Variants in SCML4 observed in about 807,000 individuals in gnomAD.
The protein encoded by SCML4 is Scm polycomb group protein like 4.
SCML4 carries 34 observed loss-of-function variants against 41.1 expected under a neutral mutation model. The observed-to-expected ratio is 0.83, with a 90% CI of 0.63 to 1.10. The LOEUF (loss-of-function observed/expected upper bound fraction) is 1.10, where lower values mean the gene tolerates loss of function less well. Ranked by LOEUF, SCML4 falls within the 50% of genes least tolerant of loss-of-function variation. The probability of loss-of-function intolerance (pLI) is 0.00; values close to 1 mark genes in which losing one functional copy is unlikely to be tolerated. For synonymous variants in SCML4, 214 were observed against 220.9 expected (o/e 0.97, Z 0.28); for missense variants, 522 against 534.1 (o/e 0.98, Z 0.22).
intron 6 of SCML4, among the ~76,000 whole-genome samples, chr6:107,709,188 A>G (rs1430968445): frequency 6.6e-6 from 1 of 151,994 alleles, no homozygotes; most frequent in African/African-American, 2.4e-5. Context: ...CTCCCTTACC[A>G]ACACACTGAG....
intron 5 of SCML4, among the ~76,000 whole-genome samples, chr6:107,735,745 G>A (rs1158302358): frequency 6.6e-6 from 1 of 150,512 alleles, no homozygotes; most frequent in Non-Finnish European, 1.5e-5. Context: ...GTTGCTGTGA[G>A]CCGAGATCAC....
At chr6:107,817,477 T>C (rs1973715) in intron 1 of SCML4, among the ~76,000 whole-genome samples, 103,159 of 151,688 alleles carry the variant, frequency 0.68, 35,185 homozygotes, top group East Asian at 0.81. Context: ...ATTATCTAGG[T>C]GTGGTGGCAG....
chr6:107,755,124 G>A (rs1778997513), intron 2 of SCML4, among the ~76,000 whole-genome samples: 2 of 151,846 alleles, frequency 1.3e-5, no homozygotes, highest in South Asian at 4.2e-4. Context: ...AAAATTACTA[G>A]AGAGGAATCT....
intron 6 of SCML4, among the ~76,000 whole-genome samples, chr6:107,713,148 C>T (rs1774389376): frequency 6.6e-6 from 1 of 152,264 alleles, no homozygotes; most frequent in Non-Finnish European, 1.5e-5. Flanking sequence ...TACTTGCACA[C>T]TCTCTGTGAA....
upstream of SCML4, among the ~76,000 whole-genome samples, chr6:107,827,165 A>G (rs1389261037): frequency 6.8e-6 from 1 of 147,972 alleles, no homozygotes; most frequent in Non-Finnish European, 1.5e-5. Context: ...TAAATTATTC[A>G]TTAAATTATG....
chr6:107,751,258 G>A (rs1450918732), intron 2 of SCML4, among the ~76,000 whole-genome samples: 2 of 152,196 alleles, frequency 1.3e-5, no homozygotes, highest in East Asian at 3.8e-4. Context: ...TTGTACTTTA[G>A]GCTGACATTT....
chr6:107,726,430 G>C (rs1775979004), intron 5 of SCML4, among the ~76,000 whole-genome samples: 1 of 151,122 alleles, frequency 6.6e-6, no homozygotes, highest in Admixed American at 6.6e-5. Context: ...CTACTCGGGA[G>C]GCTGAGGCAG....
rs541469542 is a variant in SCML4, at chr6:107,710,964, T to G, written c.974-2953A>C. On this transcript the variant is annotated intron_variant, in intron 6 of 7. Transcript: ENST00000369020. Reference sequence around the variant, plus strand: ...AGTTACTACAGAGCAAAGTCCCATCTGCTTGAAATGGATCCCAAACCTCCC... The same window carrying G: ...AGTTACTACAGAGCAAAGTCCCATCGGCTTGAAATGGATCCCAAACCTCCC... 1.5e-4 allele frequency among the ~76,000 whole-genome samples: 10 copies of G among 67,526 alleles called. 3 individuals are homozygous for G. The highest frequency in any genetic ancestry group is 4.8e-4 in the African/African-American group (8 of 16,816). The allele number at this position is 67,526 out of a possible 152,430, so 44.3% of individuals were successfully genotyped here. A position where few individuals can be genotyped will look rare whatever the true frequency, so the allele number is the denominator to read the frequency against.
rs1773313246 is a variant in SCML4 at position 107,703,137 on chromosome 6, C to G, written c.*2063G>C. ...ATAATCCACCCCTTGTTTAGCATAT[C>G]AAGAAATAAACATAAAAATGGGCAA... is the stretch of plus-strand genomic sequence containing the variant. On this transcript the variant is annotated 3_prime_UTR_variant, in exon 8 of 8. Coordinates refer to ENST00000369020, the MANE Select transcript of SCML4 (RefSeq NM_198081.5). Among the ~76,000 whole-genome samples, 1 of 152,194 alleles carries G rather than the reference C, an allele frequency of 6.6e-6. No homozygotes were observed. The highest frequency in any genetic ancestry group is 1.5e-5 in the Non-Finnish European group (1 of 68,040).
intron 1 of SCML4, among the ~76,000 whole-genome samples, chr6:107,788,914 C>G (rs906697348): frequency 6.6e-6 from 1 of 152,208 alleles, no homozygotes; most frequent in Non-Finnish European, 1.5e-5. Context: ...TAGGAAAACT[C>G]TCCCCCAGTG....
At chr6:107,745,477 C>T (rs1777987771) in intron 4 of SCML4, 1 of 193,156 alleles carries the variant, frequency 5.2e-6, no homozygotes, top group Non-Finnish European at 1.1e-5. Flanking sequence ...CATGATTAGA[C>T]TAGGGTTATG....
intron 3 of SCML4, 38 bp from the exon 4 acceptor site, chr6:107,746,927 C>T: frequency 3.2e-6 from 5 of 1,560,514 alleles, no homozygotes; most frequent in Non-Finnish European, 4.4e-6. Context: ...CGGCATCAGG[C>T]GCGCATCAGG....
rs1014186720 is a variant in SCML4, at chr6:107,703,900, A to T, written c.*1300T>A. ...CATTTTGAAGATATGTTTTCTGCTCAGTGTGAAAGAAGAAGAAGAGAGGTG... is the reference window on the plus strand; with the variant it reads ...CATTTTGAAGATATGTTTTCTGCTCTGTGTGAAAGAAGAAGAAGAGAGGTG... On this transcript the variant is annotated 3_prime_UTR_variant, in exon 8 of 8. Coordinates refer to ENST00000369020, the MANE Select transcript of SCML4 (RefSeq NM_198081.5). Among the ~76,000 whole-genome samples, 4 of 152,256 alleles carry T rather than the reference A, an allele frequency of 2.6e-5. No homozygotes were observed. Among genetic ancestry groups the T allele is most frequent in the African/African-American group, 9.6e-5 (4 of 41,464 alleles).
chr6:107,778,984 T>C (rs1328255612), intron 1 of SCML4, among the ~76,000 whole-genome samples: 2 of 151,902 alleles, frequency 1.3e-5, no homozygotes, highest in Non-Finnish European at 2.9e-5. Flanking sequence ...ATCAAGACCA[T>C]CCTGGCTAAC....
In SCML4 at chr6:107,720,685, A is replaced by G. The variant is rs200093743; in HGVS notation, c.973+18T>C. 1.8e-5 allele frequency: 27 copies of G among 1,517,654 alleles called. No individual in the cohort carries two copies. Among genetic ancestry groups the G allele is most frequent in the Non-Finnish European group, 2.3e-5 (26 of 1,132,838 alleles). The allele number at this position is 1,517,654 out of a possible 1,614,324, so 94.0% of individuals were successfully genotyped here. On this transcript the variant is annotated intron_variant, in intron 6 of 7. Coordinates refer to ENST00000369020, the MANE Select transcript of SCML4 (RefSeq NM_198081.5). ...GGGATGTTAAGTCAGTGGGAAGCTG[A>G]TGCATGCATTACATTACCACATCTG... is the stretch of plus-strand genomic sequence containing the variant.
the SCML4 span, among the ~76,000 whole-genome samples, chr6:107,832,573 C>T: frequency 6.6e-6 from 1 of 152,234 alleles, no homozygotes; most frequent in Admixed American, 6.5e-5. Flanking sequence ...CCCGGATATG[C>T]TGACTGGCTT....
intron 1 of SCML4, among the ~76,000 whole-genome samples, chr6:107,817,974 T>C (rs1256102586): frequency 6.6e-6 from 1 of 152,220 alleles, no homozygotes; most frequent in Non-Finnish European, 1.5e-5. Flanking sequence ...CTGTTTGCCC[T>C]CTTTATTTAT....
chr6:107,751,616 T>TCTCTCTC lies in SCML4; in HGVS notation c.157-1804_157-1803insGAGAGAG, dbSNP rs1562218800. On this transcript the variant is annotated intron_variant, in intron 2 of 7. Transcript: ENST00000369020. ...TTTCTTTCTTTCTTTCTTTCTTTCT[T>TCTCTCTC]TCTTTCTTTCTTTCTTTCTTTCTTT... Among the ~76,000 whole-genome samples the TCTCTCTC allele has an allele frequency of 2.0e-5, 3 of 147,706 alleles. No individual in the cohort carries two copies. In the East Asian group the frequency reaches 6.4e-4, roughly 31 times the overall value.
At position 107,704,766 on chromosome 6, in the gene SCML4, T is replaced by G. The variant is rs11153074; in HGVS notation, c.*434A>C. ...AGAGCTGAGGCAAACAAGGCTCACA[T>G]GGATAGGTCCCCAGGTCAGAGTTAG... On this transcript the variant is annotated 3_prime_UTR_variant, in exon 8 of 8. Coordinates refer to ENST00000369020, the MANE Select transcript of SCML4 (RefSeq NM_198081.5). 0.53 allele frequency: 96,902 copies of G among 184,444 alleles called. 27,255 individuals carry two copies. The highest frequency in any genetic ancestry group is 0.65 in the Middle Eastern group (284 of 440). 11.4% of individuals were successfully genotyped at this position (184,444 alleles called of 1,614,324 possible). A position where few individuals can be genotyped will look rare whatever the true frequency, so the allele number is the denominator to read the frequency against.
Sources: allele counts gnomAD v4.1 joint callset (sites outside exome capture counted in the v4.1 genomes callset), GRCh38; gene constraint gnomAD v4.1.1; transcripts MANE v1.5; gene names NCBI Gene and HGNC (gene_info 2026-07-23, HGNC 2026-07-21).